SLIT3: variants seen among roughly 807,000 people sequenced by gnomAD.
SLIT3 encodes slit guidance ligand 3.
A neutral mutation model predicts 184.0 loss-of-function variants in SLIT3; 68 were observed. The ratio of observed to expected loss-of-function variants is 0.37; its 90% CI spans 0.30 to 0.45. The LOEUF is 0.45. SLIT3 is among the 20% of genes least tolerant of loss of function. The probability of loss-of-function intolerance (pLI) is 1.00; values close to 1 mark genes in which losing one functional copy is unlikely to be tolerated. For synonymous variants in SLIT3, 831 were observed against 828.6 expected, an observed-to-expected ratio of 1.00 and a Z score of -0.05; for missense variants, 1,707 against 2,026.0, an observed-to-expected ratio of 0.84 and a Z score of 3.02.
At chr5:169,297,145 T>C (rs1767527746) in intron 1 of SLIT3, among the ~76,000 whole-genome samples, 1 of 152,262 alleles carries the variant, frequency 6.6e-6, no homozygotes. Flanking sequence ...TCGTCCTCTA[T>C]CTTTGCTGCA....
intron 4 of SLIT3, among the ~76,000 whole-genome samples, chr5:169,090,533 G>C (rs1430027991): frequency 1.3e-5 from 2 of 152,216 alleles, no homozygotes; most frequent in African/African-American, 2.4e-5. Flanking sequence ...CCTCAGGCTG[G>C]AATAGGGGCC....
At chr5:169,024,849 G>A (rs1756751627) in intron 4 of SLIT3, 1 of 152,238 alleles carries the variant, frequency 6.6e-6, no homozygotes, top group Non-Finnish European at 1.5e-5. Context: ...TCAGCTTGAA[G>A]AAATTCCTAC....
At chr5:169,232,924 T>C (rs1765057350) in intron 3 of SLIT3, among the ~76,000 whole-genome samples, 1 of 152,216 alleles carries the variant, frequency 6.6e-6, no homozygotes, top group Non-Finnish European at 1.5e-5. Context: ...CAGCACTCCA[T>C]ATATTTGACT....
intron 31 of SLIT3, among the ~76,000 whole-genome samples, 179 bp from the exon 32 acceptor site, chr5:168,684,275 C>T (rs1182791990): frequency 6.6e-6 from 1 of 152,116 alleles, no homozygotes; most frequent in Admixed American, 6.5e-5. Context: ...CCTAGACTTA[C>T]ACCTCAGCAA....
intron 14 of SLIT3, among the ~76,000 whole-genome samples, chr5:168,770,793 C>T (rs887697643): frequency 5.3e-5 from 8 of 152,036 alleles, no homozygotes; most frequent in Admixed American, 2.0e-4. Flanking sequence ...ACAGGTAGGA[C>T]GATAGTGGCA....
intron 4 of SLIT3, among the ~76,000 whole-genome samples, chr5:169,150,711 T>C (rs1456177118): frequency 6.6e-6 from 1 of 152,196 alleles, no homozygotes; most frequent in Non-Finnish European, 1.5e-5. Flanking sequence ...TTAATACTAA[T>C]GCATTGTGAC....
chr5:169,171,893 C>T (rs1333199554), intron 4 of SLIT3, among the ~76,000 whole-genome samples: 2 of 152,156 alleles, frequency 1.3e-5, no homozygotes. Flanking sequence ...TCTCTGCCCC[C>T]TTGGGGCTAG....
intron 28 of SLIT3, 31 bp from the exon 29 acceptor site, chr5:168,692,731 T>C: frequency 6.5e-7 from 1 of 1,544,428 alleles, no homozygotes; most frequent in Non-Finnish European, 9.0e-7. Flanking sequence ...AGCTCAGGCC[T>C]CAGGCAGGGT....
chr5:168,663,352 C>T lies in SLIT3; in HGVS notation c.*3102G>A, dbSNP rs1034457998. 6.6e-6 allele frequency: 1 copy of T among 152,330 alleles called. No individual in the cohort carries two copies. The highest frequency in any genetic ancestry group is 1.5e-5 in the Non-Finnish European group (1 of 68,110). The allele number at this position is 152,330 out of a possible 1,614,324, so 9.4% of individuals were successfully genotyped here. A position where few individuals can be genotyped will look rare whatever the true frequency, so the allele number is the denominator to read the frequency against. On this transcript the variant is annotated 3_prime_UTR_variant, in exon 36 of 36. Transcript: ENST00000519560. Reference sequence around the variant, plus strand: ...GTTGGGAAGGGTGTTGGGCAGATCCCAGGATCCTCTTCAAGAGCAGAGCTT... The same window carrying T: ...GTTGGGAAGGGTGTTGGGCAGATCCTAGGATCCTCTTCAAGAGCAGAGCTT...
chr5:168,762,237 G>C (rs79334275), intron 15 of SLIT3, among the ~76,000 whole-genome samples: 24 of 152,224 alleles, frequency 1.6e-4, no homozygotes, highest in African/African-American at 5.8e-4. Flanking sequence ...GCTCCGTAAG[G>C]GTTGGCAGGG....
At chr5:169,203,117 A>G (rs530098361) in intron 3 of SLIT3, among the ~76,000 whole-genome samples, 1 of 152,320 alleles carries the variant, frequency 6.6e-6, no homozygotes, top group African/African-American at 2.4e-5. Flanking sequence ...TGAGTCCTCT[A>G]GTTCCAGGAT....
intron 4 of SLIT3, among the ~76,000 whole-genome samples, chr5:168,973,045 C>A (rs995422647): frequency 6.6e-6 from 1 of 152,108 alleles, no homozygotes; most frequent in African/African-American, 2.4e-5. Flanking sequence ...AAATTCTTTC[C>A]AACTTCAGTA....
At chr5:168,818,567 T>C (rs1440493603) in intron 7 of SLIT3, among the ~76,000 whole-genome samples, 1 of 152,220 alleles carries the variant, frequency 6.6e-6, no homozygotes, top group Non-Finnish European at 1.5e-5. Context: ...TGTACTTGCA[T>C]TTCGGATGCA....
chr5:169,027,348 C>T (rs1243192013), intron 4 of SLIT3, among the ~76,000 whole-genome samples: 1 of 152,146 alleles, frequency 6.6e-6, no homozygotes, highest in East Asian at 1.9e-4. Flanking sequence ...TCTTGATGCT[C>T]ATAGTCATGT....
At chr5:169,189,484 T>C (rs926392482) in intron 4 of SLIT3, among the ~76,000 whole-genome samples, 1 of 142,000 alleles carries the variant, frequency 7.0e-6, no homozygotes, top group Non-Finnish European at 1.5e-5. Context: ...GTCTAAGCAT[T>C]GAGGCAAAGT....
intron 23 of SLIT3, among the ~76,000 whole-genome samples, chr5:168,716,362 G>A (rs1762730740): frequency 6.6e-6 from 1 of 152,026 alleles, no homozygotes; most frequent in Admixed American, 6.6e-5. Flanking sequence ...TGCTTAAGGT[G>A]GTTTGAACTG....
intron 4 of SLIT3, among the ~76,000 whole-genome samples, chr5:168,905,435 A>G (rs543867856): frequency 6.6e-6 from 1 of 152,340 alleles, no homozygotes; most frequent in East Asian, 1.9e-4. Context: ...TTTGTTAATC[A>G]GAAGGCAAGT....
intron 4 of SLIT3, among the ~76,000 whole-genome samples, chr5:169,152,212 A>T (rs1762138375): frequency 1.3e-5 from 2 of 152,232 alleles, no homozygotes; most frequent in Non-Finnish European, 2.9e-5. Context: ...GGAAAACCAC[A>T]GCACACACAA....
At chr5:168,824,698 T>A (rs1374636602) in intron 6 of SLIT3, among the ~76,000 whole-genome samples, 1 of 152,146 alleles carries the variant, frequency 6.6e-6, no homozygotes, top group Non-Finnish European at 1.5e-5. Context: ...TTGGTACAAT[T>A]CCTCATGGTG....
Sources: gnomAD v4.1 joint callset for allele counts (sites outside exome capture counted in the v4.1 genomes callset) on GRCh38, gnomAD v4.1.1 for gene constraint, MANE v1.5 for transcripts, NCBI Gene and HGNC (gene_info 2026-07-23, HGNC 2026-07-21) for gene names.